LTBP1: variants seen among roughly 807,000 people sequenced by gnomAD.
The protein encoded by LTBP1 is latent-transforming growth factor beta-binding protein 1.
In LTBP1, 129 loss-of-function variants were observed where a neutral mutation model predicts 207.6. The ratio of observed to expected loss-of-function variants is 0.62; its 90% CI spans 0.54 to 0.72. LTBP1 has a LOEUF of 0.72. LTBP1 is among the 30% of genes least tolerant of loss of function. LTBP1 has a pLI of 0.00. For synonymous variants in LTBP1, 963 were observed against 833.7 expected (o/e 1.16, Z -2.67); for missense variants, 2,281 against 2,217.2 (o/e 1.03, Z -0.58).
At chr2:33,372,241 G>A (rs1169954673) in intron 31 of LTBP1, among the ~76,000 whole-genome samples, 3 of 152,116 alleles carry the variant, frequency 2.0e-5, no homozygotes, top group Non-Finnish European at 2.9e-5. Flanking sequence ...AGTGTTACTC[G>A]AGTCTCTTTC....
intron 7 of LTBP1, among the ~76,000 whole-genome samples, chr2:33,211,605 C>G (rs2090321831): frequency 6.6e-6 from 1 of 152,200 alleles, no homozygotes; most frequent in Non-Finnish European, 1.5e-5. Flanking sequence ...TTTCTTACCA[C>G]CACTGCTGGA....
At chr2:33,008,690 C>T (rs867273318) in intron 2 of LTBP1, among the ~76,000 whole-genome samples, 2 of 152,310 alleles carry the variant, frequency 1.3e-5, no homozygotes, top group African/African-American at 2.4e-5. Context: ...TTATACTTTA[C>T]TGGAAGAAGT....
intron 3 of LTBP1, among the ~76,000 whole-genome samples, chr2:33,068,880 C>T (rs1052612097): frequency 2.4e-4 from 37 of 152,132 alleles, no homozygotes; most frequent in African/African-American, 8.7e-4. Context: ...TGCCTTTTGG[C>T]CCACAACTAA....
At chr2:33,025,602 C>T (rs1352988401) in intron 3 of LTBP1, among the ~76,000 whole-genome samples, 3 of 152,162 alleles carry the variant, frequency 2.0e-5, no homozygotes, top group Admixed American at 6.6e-5. Flanking sequence ...CATGAACATG[C>T]TAACATTGGT....
At chr2:33,334,913 TAAA>T (rs773724430) in intron 24 of LTBP1, among the ~76,000 whole-genome samples, 2 of 128,276 alleles carry the variant, frequency 1.6e-5, no homozygotes, top group African/African-American at 2.7e-5. Context: ...TACTAAAAAT[TAAA>T]AAAAAAAAAA....
rs578019446 is a variant in LTBP1 at position 33,382,342 on chromosome 2, G to A, written c.4712-6842G>A. On this transcript the variant is annotated intron_variant, in intron 31 of 33. Coordinates refer to ENST00000404816, the MANE Select transcript of LTBP1 (RefSeq NM_206943.4). The stretch of plus-strand genomic sequence containing the variant: ...ACTCCTGACTGTAGGTGATCCACCC[G>A]CCTCGGGCTCCCAAAGTGCTGGGAT... Among the ~76,000 whole-genome samples the A allele has an allele frequency of 5.1e-4, 78 of 152,078 alleles. 2 individuals are homozygous for A. The South Asian group carries it at 0.016, about 30-fold the overall frequency.
At chr2:33,277,760 C>CCTTTCTTT (rs370778507) in intron 18 of LTBP1, among the ~76,000 whole-genome samples, 1,357 of 95,404 alleles carry the variant, frequency 0.014, 78 homozygotes, top group South Asian at 0.036. Flanking sequence ...TTTTTTTTTC[C>CCTTTCTTT]CTTTCTTTCT....
chr2:32,947,013 G>C lies in LTBP1; in HGVS notation c.-312G>C, dbSNP rs1676275289. Reference sequence around the variant, plus strand: ...CCCTCGCCGGGCCCCGCTGCGGCGCGCGCTGCAACCCCCGGCCGGACGCGC... The same window carrying C: ...CCCTCGCCGGGCCCCGCTGCGGCGCCCGCTGCAACCCCCGGCCGGACGCGC... On this transcript the variant is annotated 5_prime_UTR_variant, in exon 1 of 34. Transcript: ENST00000404816. 1 of 218,812 alleles carries C rather than the reference G, an allele frequency of 4.6e-6. No individual in the cohort carries two copies. Among genetic ancestry groups the C allele is most frequent in the South Asian group, 1.8e-4 (1 of 5,448 alleles). 13.6% of individuals were successfully genotyped at this position (218,812 alleles called of 1,614,324 possible).
intron 4 of LTBP1, among the ~76,000 whole-genome samples, chr2:33,125,606 G>T (rs985950779): frequency 6.6e-6 from 1 of 152,134 alleles, no homozygotes; most frequent in Non-Finnish European, 1.5e-5. Flanking sequence ...GCTGAGGCGG[G>T]TGGATCACGA....
At chr2:33,053,059 C>T (rs779696896) in intron 3 of LTBP1, among the ~76,000 whole-genome samples, 6 of 152,192 alleles carry the variant, frequency 3.9e-5, no homozygotes, top group African/African-American at 7.2e-5. Context: ...TTAATCGAGA[C>T]GGGGTTTCAC....
At chr2:32,960,038 A>C (rs1278608452) in intron 2 of LTBP1, among the ~76,000 whole-genome samples, 1 of 152,176 alleles carries the variant, frequency 6.6e-6, no homozygotes, top group Non-Finnish European at 1.5e-5. Context: ...ATTATTGTAA[A>C]AGCTATTTAA....
At chr2:33,256,723 ACTATATATATATATAT>A (rs1248922326) in intron 11 of LTBP1, among the ~76,000 whole-genome samples, 1 of 78,096 alleles carries the variant, frequency 1.3e-5, no homozygotes, top group Admixed American at 1.6e-4. Flanking sequence ...TGGAGGGCTA[ACTATATATATATATAT>A]ATATATATAT....
chr2:33,254,863 T>TG (rs2092799235), intron 11 of LTBP1, among the ~76,000 whole-genome samples: 2 of 107,364 alleles, frequency 1.9e-5, no homozygotes, highest in South Asian at 6.5e-4. Context: ...TTTTTTTTTT[T>TG]TTTTTTTTTT....
chr2:32,984,934 A>AAAAACAAAACAAAACAAAAC (rs59089750), intron 2 of LTBP1, among the ~76,000 whole-genome samples: 2 of 150,498 alleles, frequency 1.3e-5, no homozygotes, highest in Non-Finnish European at 3.0e-5. Flanking sequence ...TCTGTTTCAA[A>AAAAACAAAACAAAACAAAAC]AAAACAAAAC....
intron 4 of LTBP1, among the ~76,000 whole-genome samples, chr2:33,118,465 A>G (rs1431768321): frequency 6.6e-6 from 1 of 152,230 alleles, no homozygotes; most frequent in African/African-American, 2.4e-5. Context: ...TCAATTCTGT[A>G]TGGGAATCGG....
At chr2:33,075,489 A>G (rs1016166177) in intron 3 of LTBP1, among the ~76,000 whole-genome samples, 2 of 152,320 alleles carry the variant, frequency 1.3e-5, no homozygotes, top group South Asian at 2.1e-4. Context: ...AGCTGCAAAA[A>G]CCATCTATTT....
At chr2:33,391,681 G>T (rs1426271728) in intron 32 of LTBP1, among the ~76,000 whole-genome samples, 1 of 152,160 alleles carries the variant, frequency 6.6e-6, no homozygotes, top group Non-Finnish European at 1.5e-5. Context: ...GGCACTGATG[G>T]GTCCTGAGAG....
At chr2:32,959,555 G>GTGTGTT (rs1678669361) in intron 2 of LTBP1, among the ~76,000 whole-genome samples, 1 of 143,128 alleles carries the variant, frequency 7.0e-6, no homozygotes, top group South Asian at 2.2e-4. Context: ...ATATATGTGT[G>GTGTGTT]TGTGTGTGTG....
chr2:33,324,839 C>A (rs1048255994), intron 24 of LTBP1, among the ~76,000 whole-genome samples: 1 of 151,468 alleles, frequency 6.6e-6, no homozygotes, highest in African/African-American at 2.4e-5. Flanking sequence ...GTAGCTGGGA[C>A]TACAGGCATG....
Sources: allele counts gnomAD v4.1 joint callset (sites outside exome capture counted in the v4.1 genomes callset), GRCh38; gene constraint gnomAD v4.1.1; transcripts MANE v1.5; gene names NCBI Gene and HGNC (gene_info 2026-07-23, HGNC 2026-07-21).